The following JARID2 variants were observed in gnomAD, a reference collection of about 807,000 sequenced individuals.
JARID2 encodes protein Jumonji.
JARID2 carries 21 observed loss-of-function variants against 125.6 expected under a neutral mutation model. The ratio of observed to expected loss-of-function variants is 0.17; its 90% CI spans 0.12 to 0.24. The LOEUF (loss-of-function observed/expected upper bound fraction) is 0.24. Ranked by LOEUF, JARID2 falls within the 10% of genes least tolerant of loss-of-function variation. The probability of loss-of-function intolerance (pLI) is 1.00; values close to 1 mark genes in which losing one functional copy is unlikely to be tolerated. For synonymous variants in JARID2, 736 were observed against 661.6 expected (o/e 1.11, Z -1.73); for missense variants, 1,303 against 1,639.6 (o/e 0.79, Z 3.55).
intron 6 of JARID2, among the ~76,000 whole-genome samples, chr6:15,489,208 A>C (rs777302166): frequency 1.3e-5 from 2 of 152,146 alleles, no homozygotes; most frequent in Non-Finnish European, 2.9e-5. Context: ...TTTATCTTCT[A>C]TTCATCCCAC....
intron 4 of JARID2, among the ~76,000 whole-genome samples, chr6:15,462,009 G>C (rs769117320): frequency 6.6e-6 from 1 of 152,118 alleles, no homozygotes; most frequent in Non-Finnish European, 1.5e-5. Context: ...GCTATTGAGG[G>C]CTGCTTCCCT....
intron 1 of JARID2, among the ~76,000 whole-genome samples, chr6:15,279,611 C>T (rs1760674851): frequency 6.6e-6 from 1 of 152,224 alleles, no homozygotes; most frequent in African/African-American, 2.4e-5. Flanking sequence ...CTTACTGTCA[C>T]TTCCCTTAGC....
rs7768621 is a variant in JARID2, at chr6:15,468,645, C to T, written c.597C>T (p.Thr199=). Residue 199 remains threonine, a synonymous_variant, in exon 5 of 18, where the codon ACC becomes ACT. Transcript: ENST00000341776. Reference sequence around the variant, plus strand: ...AGACAGAAGACGTCAAAACAGCCACCAACAATGCTTCATCTTCATGCCAGT... The same window carrying T: ...AGACAGAAGACGTCAAAACAGCCACTAACAATGCTTCATCTTCATGCCAGT... ...DDETEDVKTA[T]NNASSSCQST... The T allele has an allele frequency of 6.9e-3, 11,151 of 1,613,882 alleles. 63 individuals are homozygous for T. The highest frequency in any genetic ancestry group is 7.6e-3 in the Non-Finnish European group (8,949 of 1,179,906).
intron 2 of JARID2, among the ~76,000 whole-genome samples, chr6:15,377,919 C>G (rs1217014295): frequency 1.3e-5 from 2 of 149,286 alleles, no homozygotes; most frequent in African/African-American, 4.9e-5. Context: ...TGGAGTTTCC[C>G]TCTGTTGCCT....
intron 3 of JARID2, among the ~76,000 whole-genome samples, chr6:15,412,958 G>T (rs1765946580): frequency 7.0e-6 from 1 of 142,390 alleles, no homozygotes; most frequent in Non-Finnish European, 1.5e-5. Flanking sequence ...TTTTTTACTT[G>T]CGAGTTTTAA....
intron 1 of JARID2, among the ~76,000 whole-genome samples, chr6:15,340,894 T>C (rs1365561783): frequency 6.6e-6 from 1 of 152,166 alleles, no homozygotes; most frequent in Non-Finnish European, 1.5e-5. Context: ...CTCCAAGCTG[T>C]GTCTTGGGAA....
intron 1 of JARID2, among the ~76,000 whole-genome samples, chr6:15,311,735 G>GT (rs10715130): frequency 0.022 from 3,264 of 145,558 alleles, 45 homozygotes; most frequent in African/African-American, 0.024. Flanking sequence ...AAAGGTAACT[G>GT]TTTTTTTTTT....
At chr6:15,366,694 T>G (rs924359971) in intron 1 of JARID2, among the ~76,000 whole-genome samples, 1 of 152,186 alleles carries the variant, frequency 6.6e-6, no homozygotes, top group African/African-American at 2.4e-5. Flanking sequence ...TCAGTTGGTT[T>G]TAGGTACTAG....
Position 15,496,976 on chromosome 6 carries a change from T to C in JARID2, c.1751T>C (p.Phe584Ser). Residue 584 changes from phenylalanine (F) to serine (S), a missense_variant, in exon 7 of 18, where the codon TTC (phenylalanine) becomes TCC (serine). Phe to Ser is a radical substitution (Grantham distance 155). This residue lies in a region of JARID2 where 651 missense variants were observed against 581.6 expected (regional missense o/e 1.12). Coordinates refer to ENST00000341776, the MANE Select transcript of JARID2 (RefSeq NM_004973.4). ...TCGGTCCGCGCTCAGGTGGAGAAGT[T>C]CGGGATGTGCAGGGTGATCCCCCCT... ...IESVRAQVEKFGMCRVIPPPD... is the reference protein window; with the variant it reads ...IESVRAQVEKSGMCRVIPPPD... The C allele has an allele frequency of 6.2e-7, 1 of 1,613,738 alleles. No homozygotes were observed. Among genetic ancestry groups the C allele is most frequent in the Non-Finnish European group, 8.5e-7 (1 of 1,179,760 alleles).
intron 7 of JARID2, among the ~76,000 whole-genome samples, chr6:15,499,840 T>G (rs1171725884): frequency 1.3e-5 from 2 of 152,162 alleles, no homozygotes; most frequent in African/African-American, 4.8e-5. Context: ...ATCCCTGGTC[T>G]TGCTGGTGTG....
At chr6:15,400,284 C>T (rs1429153275) in intron 2 of JARID2, among the ~76,000 whole-genome samples, 1 of 151,862 alleles carries the variant, frequency 6.6e-6, no homozygotes, top group Non-Finnish European at 1.5e-5. Flanking sequence ...AAGCTGGAAT[C>T]AGAGTAAGGG....
chr6:15,362,476 T>G (rs1763832780), intron 1 of JARID2, among the ~76,000 whole-genome samples: 2 of 152,220 alleles, frequency 1.3e-5, no homozygotes, highest in Admixed American at 1.3e-4. Flanking sequence ...CAGTATGCAG[T>G]TAGTAAACAC....
At position 15,520,216 on chromosome 6, in the gene JARID2, T is replaced by C; in HGVS notation, c.3706T>C (p.Ser1236Pro). 1 of 1,612,776 alleles carries C rather than the reference T, an allele frequency of 6.2e-7. No homozygotes were observed. Among genetic ancestry groups the C allele is most frequent in the African/African-American group, 1.3e-5 (1 of 74,962 alleles). The part of the protein sequence containing the change: ...VDVPPSRLSA[S>P]SSSKSASSSS ...CGTGCCCCCCTCCCGTCTGTCAGCCTCCAGTTCATCCAAAAGTGCTTCGAG... is the reference window on the plus strand; with the variant it reads ...CGTGCCCCCCTCCCGTCTGTCAGCCCCCAGTTCATCCAAAAGTGCTTCGAG... Residue 1236 changes from serine to proline, a missense_variant, in exon 18 of 18, where the codon TCC becomes CCC. Coordinates refer to ENST00000341776, the MANE Select transcript of JARID2 (RefSeq NM_004973.4).
chr6:15,372,273 A>G (rs951563748), intron 1 of JARID2, among the ~76,000 whole-genome samples: 3 of 152,176 alleles, frequency 2.0e-5, no homozygotes, highest in Non-Finnish European at 4.4e-5. Flanking sequence ...CAGACTGCCC[A>G]TGAGATTTTC....
chr6:15,481,236 C>G (rs931027906), intron 5 of JARID2, among the ~76,000 whole-genome samples: 1 of 152,152 alleles, frequency 6.6e-6, no homozygotes, highest in East Asian at 1.9e-4. Context: ...GTATACAAAT[C>G]AATATATTTG....
intron 3 of JARID2, among the ~76,000 whole-genome samples, chr6:15,412,318 G>T (rs112889497): frequency 2.6e-5 from 4 of 152,038 alleles, no homozygotes; most frequent in African/African-American, 4.8e-5. Context: ...TTTTTGGGGG[G>T]GTTGAGGGAG....
intron 3 of JARID2, among the ~76,000 whole-genome samples, chr6:15,437,641 GAA>G (rs908871141): frequency 2.0e-5 from 3 of 147,570 alleles, no homozygotes; most frequent in African/African-American, 7.5e-5. Context: ...TAGCAACAGG[GAA>G]AAAAAAAACA....
chr6:15,424,096 C>T (rs535555364), intron 3 of JARID2, among the ~76,000 whole-genome samples: 4 of 151,794 alleles, frequency 2.6e-5, no homozygotes, highest in East Asian at 1.9e-4. Context: ...GGCACACAGA[C>T]GTGGATAGAC....
At chr6:15,259,146 G>A (rs1037485092) in intron 1 of JARID2, among the ~76,000 whole-genome samples, 3 of 152,188 alleles carry the variant, frequency 2.0e-5, no homozygotes, top group African/African-American at 4.8e-5. Context: ...CTAAGAAGCA[G>A]CATGACTTTT....
Sources: allele counts gnomAD v4.1 joint callset (sites outside exome capture counted in the v4.1 genomes callset), GRCh38; gene constraint gnomAD v4.1.1; regional missense constraint gnomAD v4.1.1; transcripts MANE v1.5; gene names NCBI Gene and HGNC (gene_info 2026-07-23, HGNC 2026-07-21).